The following KNTC1 variants were observed in gnomAD, a reference collection of about 807,000 sequenced individuals.
KNTC1 encodes the protein kinetochore associated 1.
KNTC1 carries 253 observed loss-of-function variants against 314.4 expected under a neutral mutation model. That is an observed-to-expected ratio of 0.80 (90% confidence interval 0.73 to 0.89). KNTC1 has a LOEUF of 0.89. Ranked by LOEUF, KNTC1 falls within the 40% of genes least tolerant of loss-of-function variation. The probability of loss-of-function intolerance (pLI) is 0.00; values close to 1 mark genes in which losing one functional copy is unlikely to be tolerated. For missense variants in KNTC1, 2,475 were observed against 2,572.9 expected, an observed-to-expected ratio of 0.96 and a Z score of 0.82; for synonymous variants, 901 against 901.4, an observed-to-expected ratio of 1.00 and a Z score of 0.01.
chr12:122,617,404 T>C (rs1344576797), intron 57 of KNTC1: 1 of 451,294 alleles, frequency 2.2e-6, no homozygotes, highest in Non-Finnish European at 4.5e-6. Context: ...TTTAAATGTA[T>C]AGAGATGGAG....
intron 18 of KNTC1, 68 bp from the exon 19 acceptor site, chr12:122,561,853 A>T: frequency 7.4e-7 from 1 of 1,352,794 alleles, no homozygotes; most frequent in South Asian, 1.3e-5. Flanking sequence ...TATTTCACAG[A>T]AAATCCATCA....
intron 16 of KNTC1, among the ~76,000 whole-genome samples, chr12:122,553,995 T>A (rs541009102): frequency 6.6e-6 from 1 of 150,392 alleles, no homozygotes; most frequent in Non-Finnish European, 1.5e-5. Context: ...TAATATTTAC[T>A]AAGTGGGTGC....
chr12:122,566,361 C>T (rs1448549777), intron 20 of KNTC1, among the ~76,000 whole-genome samples: 1 of 151,476 alleles, frequency 6.6e-6, no homozygotes, highest in African/African-American at 2.4e-5. Context: ...TCAAGTGATT[C>T]TCCTGCCCAG....
Position 122,546,299 on chromosome 12 carries a change from C to G in KNTC1, c.763+30C>G, listed in dbSNP as rs1962758096. 3 of 1,289,814 alleles carry G rather than the reference C, an allele frequency of 2.3e-6. No homozygotes were observed. In the East Asian group the frequency reaches 7.0e-5, roughly 30 times the overall value. 79.9% of individuals were successfully genotyped at this position (1,289,814 alleles called of 1,614,324 possible). ...AATAAGTTAATGAAACTACTTTAGA[C>G]AATTATTAGTGAGTTTTAATTTTTA... On this transcript the variant is annotated intron_variant, in intron 9 of 63. Coordinates refer to ENST00000333479, the MANE Select transcript of KNTC1 (RefSeq NM_014708.6).
Position 122,605,310 on chromosome 12 carries a change from T to TCATG in KNTC1, c.5394_5397dup (p.Ala1800CysfsTer4), listed in dbSNP as rs1593667242. ...TCTTTATTTTGAATATCTTAGATAT[T>TCATG]CATGCAGCAGCTAAAGAAATAGCCG... On this transcript the variant is annotated frameshift_variant, in exon 51 of 64. Coordinates refer to ENST00000333479, the MANE Select transcript of KNTC1 (RefSeq NM_014708.6). LOFTEE classifies it high-confidence loss of function. The TCATG allele has an allele frequency of 6.3e-7, 1 of 1,575,480 alleles. No individual in the cohort carries two copies. Among genetic ancestry groups the TCATG allele is most frequent in the East Asian group, 2.3e-5 (1 of 44,024 alleles).
intron 63 of KNTC1, among the ~76,000 whole-genome samples, chr12:122,625,276 G>A (rs764923516): frequency 2.0e-5 from 3 of 151,990 alleles, no homozygotes; most frequent in Non-Finnish European, 4.4e-5. Flanking sequence ...GGTGGCACAC[G>A]CCTGTAATCC....
chr12:122,563,021 AT>A (rs397707504), intron 20 of KNTC1, among the ~76,000 whole-genome samples: 3 of 143,746 alleles, frequency 2.1e-5, no homozygotes, highest in Non-Finnish European at 3.0e-5. Context: ...AAAAAAAAAA[AT>A]TTTTTTTTTT....
intron 55 of KNTC1, among the ~76,000 whole-genome samples, chr12:122,614,436 T>C (rs1873538886): frequency 6.6e-6 from 1 of 152,148 alleles, no homozygotes; most frequent in African/African-American, 2.4e-5. Flanking sequence ...GGAAGGTTTT[T>C]TGGTCCAACA....
intron 34 of KNTC1, 82 bp from the exon 35 acceptor site, chr12:122,584,196 G>C: frequency 1.1e-6 from 1 of 895,868 alleles, no homozygotes; most frequent in Non-Finnish European, 1.8e-6. Context: ...TGATGGTGGT[G>C]GTGATATATT....
Position 122,568,255 on chromosome 12 carries a change from A to G in KNTC1, c.1605-6A>G, listed in dbSNP as rs1279324186. The G allele has an allele frequency of 2.2e-6, 3 of 1,360,842 alleles. No homozygotes were observed. The highest frequency in any genetic ancestry group is 2.5e-5 in the South Asian group (2 of 81,320). 84.3% of individuals were successfully genotyped at this position (1,360,842 alleles called of 1,614,324 possible). On this transcript the variant is annotated splice_region_variant and splice_polypyrimidine_tract_variant and intron_variant, in intron 20 of 63. Coordinates refer to ENST00000333479, the MANE Select transcript of KNTC1 (RefSeq NM_014708.6). ...ACTGACTTTTTTCCCTTCTTTGTCT[A>G]TTCAGTGGCAGTTCTTGGATTGAAT...
rs949717552 is a variant in KNTC1 at position 122,615,589 on chromosome 12, T to A, written c.6030+63T>A. 3.6e-6 allele frequency: 5 copies of A among 1,391,300 alleles called. No homozygotes were observed. The African/African-American group carries it at 5.8e-5, about 16-fold the overall frequency. 86.2% of individuals were successfully genotyped at this position (1,391,300 alleles called of 1,614,324 possible). On this transcript the variant is annotated intron_variant, in intron 57 of 63. Coordinates refer to ENST00000333479, the MANE Select transcript of KNTC1 (RefSeq NM_014708.6). ...TCTTTATACTTTCTGGCCTTGTGAC[T>A]GCTGGGGACACTGGATTAAGCAGTC... is the stretch of plus-strand genomic sequence containing the variant.
In KNTC1 at chr12:122,551,577, C is replaced by T. The variant is rs1291938949; in HGVS notation, c.1197-44C>T. 5 of 1,600,774 alleles carry T rather than the reference C, an allele frequency of 3.1e-6. No individual in the cohort carries two copies. The African/African-American group carries it at 5.4e-5, about 17-fold the overall frequency. ...TCCTTTAGTGAATAACTTAAATTCC[C>T]TGAATAATAAGCATTTAACAAAATT... On this transcript the variant is annotated intron_variant, in intron 15 of 63. Transcript: ENST00000333479.
rs778928667 is a variant in KNTC1, at chr12:122,626,210, T to C, written c.6612T>C (p.Phe2204=). ...CTGTGTTTCTTCCCATTTAGATGTT[T>C]CTTAGTGGATTATCGTAAATCACTG... ...DTAPCEILKM[F]LSGLS is the part of the protein sequence containing the mutation. Residue 2204 remains phenylalanine, a synonymous_variant, in exon 64 of 64, where the codon TTT becomes TTC. Transcript: ENST00000333479. The C allele has an allele frequency of 1.9e-6, 3 of 1,588,876 alleles. No homozygotes were observed. Among genetic ancestry groups the C allele is most frequent in the Non-Finnish European group, 2.6e-6 (3 of 1,162,408 alleles).
intron 53 of KNTC1, 198 bp from the exon 54 acceptor site, chr12:122,612,914 G>T: frequency 1.8e-6 from 1 of 543,628 alleles, no homozygotes. Context: ...CCCTCTTGAA[G>T]GAGTCTCAGG....
rs1869367531 is a variant in KNTC1 at position 122,586,729 on chromosome 12, C to A, written c.3702C>A (p.Thr1234=). 6.7e-7 allele frequency: 1 copy of A among 1,493,206 alleles called. No homozygotes were observed. The highest frequency in any genetic ancestry group is 1.4e-5 in the South Asian group (1 of 71,522). The allele number at this position is 1,493,206 out of a possible 1,614,324, so 92.5% of individuals were successfully genotyped here. The change falls in exon 38 of 64, where the codon ACC becomes ACA. Residue 1234 remains threonine, a synonymous_variant. Transcript: ENST00000333479. ...AESKRYPLES[T]SLPYCSLNEG... ...GCAAGAGATATCCCTTGGAGTCTACCAGTTTGCCATACTGCTCCCTTAATG... is the reference window on the plus strand; with the variant it reads ...GCAAGAGATATCCCTTGGAGTCTACAAGTTTGCCATACTGCTCCCTTAATG...
At chr12:122,577,890 T>C in intron 31 of KNTC1, 99 bp downstream of exon 31, 2 of 1,078,230 alleles carry the variant, frequency 1.9e-6, no homozygotes, top group Non-Finnish European at 2.6e-6. Context: ...AGATCTGCTC[T>C]TCTCACTGCT....
At position 122,547,916 on chromosome 12, in the gene KNTC1, C is replaced by G; in HGVS notation, c.934C>G (p.Gln312Glu). The G allele has an allele frequency of 6.6e-7, 1 of 1,521,278 alleles. No individual in the cohort carries two copies. The highest frequency in any genetic ancestry group is 8.8e-7 in the Non-Finnish European group (1 of 1,132,186). The allele number at this position is 1,521,278 out of a possible 1,614,324, so 94.2% of individuals were successfully genotyped here. Residue 312 changes from glutamine to glutamate, a missense_variant and splice_region_variant, in exon 12 of 64, where the codon CAA becomes GAA. Coordinates refer to ENST00000333479, the MANE Select transcript of KNTC1 (RefSeq NM_014708.6). ...EADSPSSVTW[Q>E]GITNLKLIAL... ...TTTAAAGGTTCTTTTCTCTTTTAGG[C>G]AAGGAATTACAAATCTCAAATTAAT...
At chr12:122,613,585 G>T in intron 54 of KNTC1, 41 bp from the exon 55 acceptor site, 1 of 1,536,406 alleles carries the variant, frequency 6.5e-7, no homozygotes, top group African/African-American at 1.4e-5. Flanking sequence ...ATGTAAATGT[G>T]GCCTATGAGA....
Position 122,613,178 on chromosome 12 carries a change from G to T in KNTC1, c.5689G>T (p.Ala1897Ser), listed in dbSNP as rs563941779. ...AGCTCTTCAGTGTCTCTTCTATTTG[G>T]CTGACAAGGAAACTATAGAATCTCT... Reference protein sequence around the residue: ...TRALQCLFYLADKETIESLFK... With the variant: ...TRALQCLFYLSDKETIESLFK... Residue 1897 changes from alanine to serine, a missense_variant, in exon 54 of 64, where the codon GCT becomes TCT. By Grantham distance (99) the Ala-to-Ser change is moderately conservative. Coordinates refer to ENST00000333479, the MANE Select transcript of KNTC1 (RefSeq NM_014708.6). The T allele has an allele frequency of 9.9e-6, 16 of 1,613,202 alleles. No homozygotes were observed. The South Asian group carries it at 1.6e-4, about 17-fold the overall frequency.
Sources: gnomAD v4.1 joint callset for allele counts (sites outside exome capture counted in the v4.1 genomes callset) on GRCh38, gnomAD v4.1.1 for gene constraint, MANE v1.5 for transcripts, NCBI Gene and HGNC (gene_info 2026-07-23, HGNC 2026-07-21) for gene names.